The following CISD2 variants were observed in gnomAD, a reference collection of about 807,000 sequenced individuals.
CISD2 encodes the protein CDGSH iron-sulfur domain-containing protein 2.
A neutral mutation model predicts 12.9 loss-of-function variants in CISD2; 1 was observed. The ratio of observed to expected loss-of-function variants is 0.08; its 90% confidence interval spans 0.03 to 0.37. The LOEUF (loss-of-function observed/expected upper bound fraction) is 0.37, where lower values mean the gene tolerates loss of function less well. Among genes scored for constraint, CISD2 ranks in the 10% least tolerant of loss-of-function variants. The pLI is 0.99. For missense variants in CISD2, 97 were observed against 163.1 expected (o/e 0.59, Z 2.21); for synonymous variants, 50 against 60.6 (o/e 0.83, Z 0.81).
intron 1 of CISD2, among the ~76,000 whole-genome samples, chr4:102,880,180 G>C (rs1733682210): frequency 6.6e-6 from 1 of 152,122 alleles, no homozygotes; most frequent in South Asian, 2.1e-4. Context: ...CTGACCTCAA[G>C]TGATCTGCCC....
chr4:102,875,940 T>C (rs1013841470), intron 1 of CISD2, among the ~76,000 whole-genome samples: 1 of 152,226 alleles, frequency 6.6e-6, no homozygotes, highest in Non-Finnish European at 1.5e-5. Flanking sequence ...AGGTCTCTGC[T>C]TAAAGGTTCT....
At chr4:102,871,849 A>G (rs1292964036) in intron 1 of CISD2, among the ~76,000 whole-genome samples, 1 of 152,064 alleles carries the variant, frequency 6.6e-6, no homozygotes, top group Non-Finnish European at 1.5e-5. Flanking sequence ...TATTGCCTAC[A>G]TTTCCTTCCC....
chr4:102,872,768 G>T (rs1440034038), intron 1 of CISD2, among the ~76,000 whole-genome samples: 2 of 152,156 alleles, frequency 1.3e-5, no homozygotes, highest in African/African-American at 4.8e-5. Flanking sequence ...ATAATAAAAG[G>T]TTAAACCTAA....
At chr4:102,870,657 A>T (rs1733416860) in intron 1 of CISD2, among the ~76,000 whole-genome samples, 1 of 152,252 alleles carries the variant, frequency 6.6e-6, no homozygotes, top group Non-Finnish European at 1.5e-5. Context: ...AAAACGTTTC[A>T]CATCAAGTGT....
At position 102,887,580 on chromosome 4, in the gene CISD2, T is replaced by C. The variant is rs1733995456; in HGVS notation, c.*150T>C. 1 of 523,684 alleles carries C rather than the reference T, an allele frequency of 1.9e-6. No homozygotes were observed. The highest frequency in any genetic ancestry group is 1.9e-5 in the African/African-American group (1 of 52,238). The allele number at this position is 523,684 out of a possible 1,614,324, so 32.4% of individuals were successfully genotyped here. A position where few individuals can be genotyped will look rare whatever the true frequency, so the allele number is the denominator to read the frequency against. On this transcript the variant is annotated 3_prime_UTR_variant, in exon 3 of 3. Transcript: ENST00000273986. ...TTGATCCTTTGTCTATTCAGTCACT[T>C]AATTAGAAATTAAATTGTCAAGCCT... is the stretch of plus-strand genomic sequence containing the variant.
At chr4:102,870,358 G>A (rs868292133) in intron 1 of CISD2, among the ~76,000 whole-genome samples, 1 of 152,014 alleles carries the variant, frequency 6.6e-6, no homozygotes, top group East Asian at 1.9e-4. Context: ...TGGTGCTTCA[G>A]TGATAGCCCC....
intron 1 of CISD2, among the ~76,000 whole-genome samples, chr4:102,876,599 A>C (rs1006993053): frequency 6.6e-5 from 10 of 152,094 alleles, no homozygotes; most frequent in Admixed American, 1.3e-4. Context: ...AATACAAAAA[A>C]ATTAGCTGGG....
intron 1 of CISD2, among the ~76,000 whole-genome samples, chr4:102,877,332 T>C (rs1733615123): frequency 6.6e-6 from 1 of 152,116 alleles, no homozygotes; most frequent in Non-Finnish European, 1.5e-5. Flanking sequence ...ATGGGCAAAA[T>C]TGGCCAAAAC....
intron 1 of CISD2, among the ~76,000 whole-genome samples, chr4:102,877,179 A>G (rs1329260131): frequency 6.6e-6 from 1 of 152,222 alleles, no homozygotes; most frequent in East Asian, 1.9e-4. Context: ...TCATTTCATC[A>G]TTAACTCAAA....
chr4:102,884,100 G>T (rs986238826), intron 1 of CISD2, among the ~76,000 whole-genome samples: 9 of 152,200 alleles, frequency 5.9e-5, no homozygotes, highest in Non-Finnish European at 1.0e-4. Context: ...GATAGGCACA[G>T]ATTTTAATTT....
chr4:102,875,389 T>G (rs1733569776), intron 1 of CISD2, among the ~76,000 whole-genome samples: 2 of 152,258 alleles, frequency 1.3e-5, no homozygotes, highest in African/African-American at 2.4e-5. Flanking sequence ...TCTTCCATAC[T>G]AAATGGCAAG....
chr4:102,873,038 G>A (rs1288062898), intron 1 of CISD2, among the ~76,000 whole-genome samples: 1 of 152,098 alleles, frequency 6.6e-6, no homozygotes, highest in East Asian at 1.9e-4. Context: ...AAGTAGTGCC[G>A]AGCAAAGGAG....
intron 1 of CISD2, among the ~76,000 whole-genome samples, chr4:102,884,432 G>A (rs1226678282): frequency 6.6e-6 from 1 of 152,174 alleles, no homozygotes; most frequent in African/African-American, 2.4e-5. Flanking sequence ...GAAGTTAACT[G>A]GTAATTCTAT....
Position 102,886,529 on chromosome 4 carries a change from A to G in CISD2, c.319-812A>G, listed in dbSNP as rs565233666. On this transcript the variant is annotated intron_variant, in intron 2 of 2. Transcript: ENST00000273986. ...AAAAGAATACACACAATAAATGCATAGGAAAAAATATACCAAACTGTTAAT... is the reference window on the plus strand; with the variant it reads ...AAAAGAATACACACAATAAATGCATGGGAAAAAATATACCAAACTGTTAAT... Among the ~76,000 whole-genome samples the G allele has an allele frequency of 1.3e-5, 2 of 152,298 alleles. 1 individual carries two copies. Among genetic ancestry groups the G allele is most frequent in the South Asian group, 4.1e-4 (2 of 4,824 alleles).
chr4:102,882,327 A>C (rs1166564420), intron 1 of CISD2, among the ~76,000 whole-genome samples: 4 of 152,258 alleles, frequency 2.6e-5, no homozygotes, highest in Non-Finnish European at 5.9e-5. Context: ...ACAAACATTT[A>C]ATGACTGCTA....
chr4:102,876,424 G>C (rs1733594312), intron 1 of CISD2, among the ~76,000 whole-genome samples: 1 of 152,168 alleles, frequency 6.6e-6, no homozygotes, highest in Non-Finnish European at 1.5e-5. Context: ...CATAGTAGGT[G>C]TATTAGTCTG....
In CISD2 at chr4:102,885,444, T is replaced by C. The variant is rs1733857355; in HGVS notation, c.318+14T>C. Reference sequence around the variant, plus strand: ...CGTTCTAAAACGGTAAGATGTCTGTTTACGTGTACACTAAAATTTTGCAGT... The same window carrying C: ...CGTTCTAAAACGGTAAGATGTCTGTCTACGTGTACACTAAAATTTTGCAGT... On this transcript the variant is annotated intron_variant, in intron 2 of 2. Coordinates refer to ENST00000273986, the MANE Select transcript of CISD2 (RefSeq NM_001008388.5). 6.2e-7 allele frequency: 1 copy of C among 1,606,000 alleles called. No homozygotes were observed. Among genetic ancestry groups the C allele is most frequent in the African/African-American group, 1.3e-5 (1 of 74,740 alleles).
intron 1 of CISD2, among the ~76,000 whole-genome samples, chr4:102,874,028 A>G: frequency 6.6e-6 from 1 of 151,968 alleles, no homozygotes; most frequent in East Asian, 1.9e-4. Flanking sequence ...CAGGAGGCCA[A>G]GGCAGGAGAA....
At position 102,892,498 on chromosome 4, in the gene CISD2, A is replaced by AATC. The variant is rs1169496998; in HGVS notation, c.*5069_*5071dup. 2.0e-5 allele frequency: 3 copies of AATC among 152,216 alleles called. No homozygotes were observed. The highest frequency in any genetic ancestry group is 2.9e-5 in the Non-Finnish European group (2 of 68,046). 9.4% of individuals were successfully genotyped at this position (152,216 alleles called of 1,614,324 possible). On this transcript the variant is annotated 3_prime_UTR_variant, in exon 3 of 3. Coordinates refer to ENST00000273986, the MANE Select transcript of CISD2 (RefSeq NM_001008388.5). Reference sequence around the variant, plus strand: ...AGTTATGGTCTTGAAGGACATTGAAAATCTGTTCAGAAAGACTATGTTTTT... The same window carrying AATC: ...AGTTATGGTCTTGAAGGACATTGAAAATCATCTGTTCAGAAAGACTATGTTTTT...
Sources: allele counts gnomAD v4.1 joint callset (sites outside exome capture counted in the v4.1 genomes callset), GRCh38; gene constraint gnomAD v4.1.1; transcripts MANE v1.5; gene names NCBI Gene and HGNC (gene_info 2026-07-23, HGNC 2026-07-21).